The following RBFOX1 variants were observed in gnomAD, a reference collection of about 807,000 sequenced individuals.
RBFOX1 encodes RNA binding fox-1 homolog 1.
A neutral mutation model predicts 57.7 loss-of-function variants in RBFOX1; 8 were observed. The observed-to-expected ratio is 0.14, with a 90% CI of 0.08 to 0.25. The LOEUF is 0.25. Among genes scored for constraint, RBFOX1 ranks in the 10% least tolerant of loss-of-function variants. RBFOX1 has a pLI of 1.00. For missense variants in RBFOX1, 611 were observed against 548.5 expected (o/e 1.11, Z -1.14); for synonymous variants, 326 against 222.4 (o/e 1.47, Z -4.15).
Position 6,108,408 on chromosome 16 carries a change from A to G in RBFOX1, c.-127+88416A>G, listed in dbSNP as rs201882529. ...AAGGTGGTTGTGATATGAGGGTGAAAGAATGCAACATAGCTATGTGTTTAA... is the reference window on the plus strand; with the variant it reads ...AAGGTGGTTGTGATATGAGGGTGAAGGAATGCAACATAGCTATGTGTTTAA... On this transcript the variant is annotated intron_variant, in intron 1 of 15. Coordinates refer to ENST00000550418, the MANE Select transcript of RBFOX1 (RefSeq NM_018723.4). Among the ~76,000 whole-genome samples the G allele has an allele frequency of 1.9e-4, 29 of 152,256 alleles. No homozygotes were observed. In the East Asian group the frequency reaches 4.3e-3, roughly 22 times the overall value.
intron 7 of RBFOX1, among the ~76,000 whole-genome samples, chr16:7,594,610 G>A (rs976098179): frequency 1.3e-5 from 2 of 152,174 alleles, no homozygotes; most frequent in Admixed American, 6.5e-5. Flanking sequence ...AAAAGCCAAT[G>A]TACCTGTGGT....
At chr16:6,173,604 CTTTTTTTTTT>C (rs35528338) in intron 1 of RBFOX1, among the ~76,000 whole-genome samples, 2 of 70,948 alleles carry the variant, frequency 2.8e-5, no homozygotes, top group African/African-American at 5.9e-5. Context: ...TGACCACTCC[CTTTTTTTTTT>C]TTTTTTTTTT....
At chr16:6,905,414 A>G (rs572022143) in intron 3 of RBFOX1, among the ~76,000 whole-genome samples, 61 of 152,068 alleles carry the variant, frequency 4.0e-4, no homozygotes, top group African/African-American at 1.4e-3. Flanking sequence ...TTAACTGAGC[A>G]TGGTGGCACA....
intron 3 of RBFOX1, among the ~76,000 whole-genome samples, chr16:6,901,575 C>T (rs957906837): frequency 6.6e-6 from 1 of 152,158 alleles, no homozygotes; most frequent in Non-Finnish European, 1.5e-5. Flanking sequence ...ATGTTCAACT[C>T]CTCAATTATG....
At chr16:7,005,613 C>A (rs1393204949) in intron 3 of RBFOX1, among the ~76,000 whole-genome samples, 1 of 152,126 alleles carries the variant, frequency 6.6e-6, no homozygotes, top group African/African-American at 2.4e-5. Context: ...TAGGAGGTGG[C>A]TTGACACTCA....
chr16:6,993,957 A>T (rs577765561), intron 3 of RBFOX1, among the ~76,000 whole-genome samples: 1 of 152,302 alleles, frequency 6.6e-6, no homozygotes, highest in East Asian at 1.9e-4. Context: ...CAAGGCAGAA[A>T]GATTATGCAG....
At chr16:5,669,357 G>A (rs1461428975) in intron 3 of RBFOX1, among the ~76,000 whole-genome samples, 1 of 151,784 alleles carries the variant, frequency 6.6e-6, no homozygotes, top group Non-Finnish European at 1.5e-5. Context: ...TGGGCTCTTT[G>A]GGTTCACCTG....
At chr16:6,853,413 G>C (rs543237021) in intron 3 of RBFOX1, among the ~76,000 whole-genome samples, 1 of 152,294 alleles carries the variant, frequency 6.6e-6, no homozygotes, top group South Asian at 2.1e-4. Flanking sequence ...GTTACTGATA[G>C]TGCCTGCCCC....
intron 2 of RBFOX1, among the ~76,000 whole-genome samples, chr16:5,514,726 C>CAGG (rs1034976290): frequency 1.1e-4 from 17 of 150,434 alleles, no homozygotes; most frequent in African/African-American, 4.2e-4. Flanking sequence ...GGAGGAGGAG[C>CAGG]AGGAGGAGGA....
intron 4 of RBFOX1, among the ~76,000 whole-genome samples, chr16:7,451,203 G>T (rs1203768763): frequency 1.3e-5 from 2 of 152,156 alleles, no homozygotes; most frequent in East Asian, 1.9e-4. Context: ...TTTCTATGGA[G>T]GCTTTTTGGA....
At chr16:6,567,489 C>A (rs1208659491) in intron 2 of RBFOX1, among the ~76,000 whole-genome samples, 1 of 152,184 alleles carries the variant, frequency 6.6e-6, no homozygotes, top group African/African-American at 2.4e-5. Flanking sequence ...TTGGCTGCTC[C>A]AGCCACAGAG....
intron 3 of RBFOX1, among the ~76,000 whole-genome samples, chr16:6,841,931 G>A (rs2093485217): frequency 6.6e-6 from 1 of 151,764 alleles, no homozygotes; most frequent in Non-Finnish European, 1.5e-5. Context: ...GAGGTCAGGA[G>A]ATCGAGACCA....
intron 4 of RBFOX1, among the ~76,000 whole-genome samples, chr16:7,073,773 G>T (rs1385153774): frequency 6.6e-6 from 1 of 152,124 alleles, no homozygotes; most frequent in Non-Finnish European, 1.5e-5. Flanking sequence ...TGAGGCAGGA[G>T]GATTGTTTGA....
At chr16:7,097,179 G>A (rs1350638394) in intron 4 of RBFOX1, among the ~76,000 whole-genome samples, 20 of 152,142 alleles carry the variant, frequency 1.3e-4, no homozygotes, top group Admixed American at 1.2e-3. Context: ...TTCCAAGAAG[G>A]TGTCTTCTCA....
chr16:6,773,974 C>A (rs73528889), intron 3 of RBFOX1: 5 of 985,162 alleles, frequency 5.1e-6, no homozygotes, highest in Non-Finnish European at 1.2e-6. Flanking sequence ...ATGGTCCTCC[C>A]GTTTTCAACT....
chr16:5,692,128 A>G (rs552634048), intron 3 of RBFOX1, among the ~76,000 whole-genome samples: 1 of 152,106 alleles, frequency 6.6e-6, no homozygotes, highest in Admixed American at 6.5e-5. Flanking sequence ...AACTAGGCAA[A>G]TTCACAAATA....
At chr16:6,728,464 G>A (rs1292005652) in intron 3 of RBFOX1, among the ~76,000 whole-genome samples, 1 of 152,154 alleles carries the variant, frequency 6.6e-6, no homozygotes, top group Non-Finnish European at 1.5e-5. Context: ...TCTCTATGAA[G>A]TAATCCCTTT....
chr16:6,266,660 G>C (rs536190248), intron 1 of RBFOX1, among the ~76,000 whole-genome samples: 1 of 151,818 alleles, frequency 6.6e-6, no homozygotes, highest in African/African-American at 2.4e-5. Context: ...GTTGCAGTGA[G>C]CTGAGATCGC....
intron 1 of RBFOX1, among the ~76,000 whole-genome samples, chr16:6,230,238 A>T (rs1234837888): frequency 1.3e-5 from 2 of 152,202 alleles, no homozygotes; most frequent in African/African-American, 4.8e-5. Flanking sequence ...AATTTTTTTA[A>T]ATAACAATAA....
Sources: allele counts gnomAD v4.1 joint callset (sites outside exome capture counted in the v4.1 genomes callset), GRCh38; gene constraint gnomAD v4.1.1; transcripts MANE v1.5; gene names NCBI Gene and HGNC (gene_info 2026-07-23, HGNC 2026-07-21).